Variants in COL18A1 observed in about 807,000 individuals in gnomAD.
COL18A1 encodes the protein collagen type XVIII alpha 1 chain.
Under a neutral mutation model 168.0 loss-of-function variants are expected in COL18A1, and 133 were observed. The ratio of observed to expected loss-of-function variants is 0.79; its 90% CI spans 0.69 to 0.91. COL18A1 has a LOEUF of 0.91. Ranked by LOEUF, COL18A1 falls within the 40% of genes least tolerant of loss-of-function variation. The pLI is 0.00. For synonymous variants in COL18A1, 949 were observed against 809.0 expected (o/e 1.17, Z -2.94); for missense variants, 2,126 against 1,925.4 (o/e 1.10, Z -1.95).
Position 45,498,051 on chromosome 21 carries a change from G to C in COL18A1, c.2683+390G>C. ...GAGAAACTCTCCAGGGTTTCATGTG[G>C]GAAGGAGGCGTTGCCCGACAGGCCG... On this transcript the variant is annotated intron_variant, in intron 32 of 41. Coordinates refer to ENST00000651438, the MANE Select transcript of COL18A1 (RefSeq NM_001379500.1). This position sits in a 1 kb window ranked among gnomAD's most constrained non-coding sequence, Gnocchi z 4.5. 1.6e-6 allele frequency: 1 copy of C among 606,900 alleles called. No individual in the cohort carries two copies. The highest frequency in any genetic ancestry group is 2.0e-5 in the South Asian group (1 of 50,284). The allele number at this position is 606,900 out of a possible 1,614,324, so 37.6% of individuals were successfully genotyped here.
intron 38 of COL18A1, among the ~76,000 whole-genome samples, chr21:45,508,109 AGGCGGGTGAGTGGACGGGTG>A (rs2037335400): frequency 7.6e-6 from 1 of 130,770 alleles, no homozygotes; most frequent in African/African-American, 2.8e-5. Flanking sequence ...GATGGTGGTC[AGGCGGGTGAGTGGACGGGTG>A]GGTGGGTGGA....
chr21:45,483,436 C>G (rs2035968089), intron 15 of COL18A1, among the ~76,000 whole-genome samples: 1 of 152,236 alleles, frequency 6.6e-6, no homozygotes. Context: ...TGGGCCACAG[C>G]CTGCTTGACC....
intron 37 of COL18A1, chr21:45,507,348 G>T: frequency 1.6e-6 from 1 of 622,990 alleles, no homozygotes; most frequent in Non-Finnish European, 2.9e-6. Context: ...GCTGGGCAGG[G>T]AGGGCACCCT....
At position 45,484,082 on chromosome 21, in the gene COL18A1, TAC is replaced by T. The variant is rs36140800; in HGVS notation, c.1701+1272_1701+1273del. Among the ~76,000 whole-genome samples the T allele has an allele frequency of 1.5e-4, 11 of 73,122 alleles. 2 individuals are homozygous for T. Among genetic ancestry groups the T allele is most frequent in the South Asian group, 4.1e-4 (1 of 2,420 alleles). 48.0% of individuals were successfully genotyped at this position (73,122 alleles called of 152,430 possible). A position where few individuals can be genotyped will look rare whatever the true frequency, so the allele number is the denominator to read the frequency against. Reference sequence around the variant, plus strand: ...CACACACACACTTCTCCAGCATATGTACACACACACACCTCTCCAGCATATGT... The same window carrying T: ...CACACACACACTTCTCCAGCATATGTACACACACACCTCTCCAGCATATGT... On this transcript the variant is annotated intron_variant, in intron 15 of 41. Coordinates refer to ENST00000651438, the MANE Select transcript of COL18A1 (RefSeq NM_001379500.1).
chr21:45,476,839 ATGTG>A (rs1046638028), intron 6 of COL18A1, among the ~76,000 whole-genome samples: 2 of 146,334 alleles, frequency 1.4e-5, no homozygotes, highest in African/African-American at 2.6e-5. Flanking sequence ...GTTGTGTTGT[ATGTG>A]ATGTGTAGTG....
At chr21:45,503,099 C>T (rs1350470355) in intron 32 of COL18A1, 2 of 152,168 alleles carry the variant, frequency 1.3e-5, no homozygotes, top group Non-Finnish European at 2.9e-5. Context: ...AATGGGATGG[C>T]TGGGTCAAAT....
intron 2 of COL18A1, among the ~76,000 whole-genome samples, chr21:45,416,274 G>A (rs1390027122): frequency 6.6e-6 from 1 of 152,222 alleles, no homozygotes; most frequent in Non-Finnish European, 1.5e-5. Context: ...TCTCTGTCCT[G>A]CAGCCCACTT....
chr21:45,496,464 G>C (rs1568928867), intron 29 of COL18A1, 36 bp from the exon 30 acceptor site: 2 of 936,728 alleles, frequency 2.1e-6, no homozygotes, highest in South Asian at 2.6e-5. Flanking sequence ...CTGACAGGCA[G>C]GCCATAAGCC....
At position 45,418,858 on chromosome 21, in the gene COL18A1, A is replaced by T. The variant is rs1280566704; in HGVS notation, c.106+13385A>T. ...CTGCGAGGCGTGATGGCCAATACAC[A>T]CCCTCTAGAGGGGCTTGTGTCATGT... On this transcript the variant is annotated intron_variant, in intron 2 of 41. Coordinates refer to ENST00000651438, the MANE Select transcript of COL18A1 (RefSeq NM_001379500.1). 2.6e-5 allele frequency among the ~76,000 whole-genome samples: 4 copies of T among 151,538 alleles called. No homozygotes were observed. The East Asian group carries it at 5.9e-4, about 22-fold the overall frequency.
intron 20 of COL18A1, 115 bp downstream of exon 20, chr21:45,490,461 C>A: frequency 2.3e-6 from 2 of 851,780 alleles, no homozygotes; most frequent in Non-Finnish European, 3.6e-6. Context: ...TCTCCATGTG[C>A]CCTCGTGGGT....
At position 45,421,874 on chromosome 21, in the gene COL18A1, C is replaced by T. The variant is rs529031238; in HGVS notation, c.106+16401C>T. 2.6e-5 allele frequency among the ~76,000 whole-genome samples: 4 copies of T among 152,302 alleles called. No individual in the cohort carries two copies. In the South Asian group the frequency reaches 8.3e-4, roughly 32 times the overall value. ...GGCCAGTTGCACCCCTCTGGAATTCCTGAGCACTGTGACTGTGACCTGTGT... is the reference window on the plus strand; with the variant it reads ...GGCCAGTTGCACCCCTCTGGAATTCTTGAGCACTGTGACTGTGACCTGTGT... On this transcript the variant is annotated intron_variant, in intron 2 of 41. Coordinates refer to ENST00000651438, the MANE Select transcript of COL18A1 (RefSeq NM_001379500.1).
chr21:45,477,567 T>C lies in COL18A1; in HGVS notation c.1005+80T>C, dbSNP rs1054816920. 1.3e-5 allele frequency: 18 copies of C among 1,400,796 alleles called. No individual in the cohort carries two copies. The Admixed American group carries it at 2.0e-4, about 15-fold the overall frequency. The allele number at this position is 1,400,796 out of a possible 1,614,324, so 86.8% of individuals were successfully genotyped here. On this transcript the variant is annotated intron_variant, in intron 7 of 41. Coordinates refer to ENST00000651438, the MANE Select transcript of COL18A1 (RefSeq NM_001379500.1). Reference sequence around the variant, plus strand: ...TTTTGGGCCACTCACTGGTGAGCCCTGATGAAGCCCCTCTGTGCCCGTGCC... The same window carrying C: ...TTTTGGGCCACTCACTGGTGAGCCCCGATGAAGCCCCTCTGTGCCCGTGCC...
chr21:45,475,651 C>G, intron 5 of COL18A1, 116 bp downstream of exon 5: 1 of 897,544 alleles, frequency 1.1e-6, no homozygotes, highest in Non-Finnish European at 1.8e-6. Context: ...CTCTATGCCA[C>G]GAAGACATAT....
chr21:45,503,509 C>T (rs1255455395), intron 32 of COL18A1, among the ~76,000 whole-genome samples: 1 of 151,584 alleles, frequency 6.6e-6, no homozygotes, highest in East Asian at 1.9e-4. Context: ...AATTGGAAAT[C>T]ATCATTCTCA....
Position 45,468,676 on chromosome 21 carries a change from G to A in COL18A1, c.541G>A (p.Glu181Lys), listed in dbSNP as rs745325369. 4 of 1,613,896 alleles carry A rather than the reference G, an allele frequency of 2.5e-6. No homozygotes were observed. The highest frequency in any genetic ancestry group is 2.5e-6 in the Non-Finnish European group (3 of 1,180,016). ...CTTTGTGGCCCTCTACGTGGACTGTGAGGAGTTCCAGAGAATGCCGCTTGC... is the reference window on the plus strand; with the variant it reads ...CTTTGTGGCCCTCTACGTGGACTGTAAGGAGTTCCAGAGAATGCCGCTTGC... ...GGFVALYVDC[E>K]EFQRMPLARS... is the part of the protein sequence containing the mutation. Residue 181 changes from glutamate to lysine, a missense_variant, in exon 3 of 42, where the codon GAG (glutamate) becomes AAG (lysine). Glu to Lys is a moderately conservative substitution (Grantham distance 56, BLOSUM62 1). Transcript: ENST00000651438.
chr21:45,416,351 C>A (rs192525226), intron 2 of COL18A1, among the ~76,000 whole-genome samples: 1 of 151,862 alleles, frequency 6.6e-6, no homozygotes, highest in East Asian at 1.9e-4. Context: ...GAACTGGGGC[C>A]GGTGTGGGGG....
rs2035419384 is a variant in COL18A1, at chr21:45,471,210, G to C, written c.651+2424G>C. Among the ~76,000 whole-genome samples the C allele has an allele frequency of 6.6e-6, 1 of 152,040 alleles. No homozygotes were observed. The highest frequency in any genetic ancestry group is 2.1e-4 in the South Asian group (1 of 4,830). ...TGGCGCGCTATGGGCCGTGTGCTGAGGGCTGTGTTGGTTGATCTCTGTGTC... is the reference window on the plus strand; with the variant it reads ...TGGCGCGCTATGGGCCGTGTGCTGACGGCTGTGTTGGTTGATCTCTGTGTC... On this transcript the variant is annotated intron_variant, in intron 3 of 41. Transcript: ENST00000651438. The surrounding 1 kb of genome is among the most constrained non-coding windows in gnomAD (Gnocchi z 4.4).
intron 16 of COL18A1, 77 bp from the exon 17 acceptor site, chr21:45,487,370 G>T: frequency 6.5e-7 from 1 of 1,548,836 alleles, no homozygotes. Context: ...CCCTCCTCTC[G>T]GGCAGTGCCA....
Position 45,505,402 on chromosome 21 carries a change from C to A in COL18A1, c.3058C>A (p.Pro1020Thr), listed in dbSNP as rs1370299892. 1.3e-6 allele frequency: 2 copies of A among 1,577,980 alleles called. No homozygotes were observed. The highest frequency in any genetic ancestry group is 1.7e-6 in the Non-Finnish European group (2 of 1,153,720). Residue 1020 changes from proline (P) to threonine (T), a missense_variant, in exon 36 of 42, where the codon CCC (proline) becomes ACC (threonine). Coordinates refer to ENST00000651438, the MANE Select transcript of COL18A1 (RefSeq NM_001379500.1). The part of the protein sequence containing the change: ...GPPGPPGPPG[P>T]PGTMGASSGV... ...TCCGGGCCCCCCTGGGCCCCCTGGG[C>A]CCCCTGGAACCATGGGCGCCTCCTC...
Sources: gnomAD v4.1 joint callset for allele counts (sites outside exome capture counted in the v4.1 genomes callset) on GRCh38, gnomAD v4.1.1 for gene constraint, Gnocchi (gnomAD v3.1) non-coding constraint, MANE v1.5 for transcripts, NCBI Gene and HGNC (gene_info 2026-07-23, HGNC 2026-07-21) for gene names.